The following ACTR3C variants were observed in gnomAD, a reference collection of about 807,000 sequenced individuals.
ACTR3C encodes actin related protein 3C, also known as actin-related protein 3C.
A neutral mutation model predicts 26.3 loss-of-function variants in ACTR3C; 18 were observed. The ratio of observed to expected loss-of-function variants is 0.68; its 90% CI spans 0.47 to 1.01. ACTR3C has a LOEUF of 1.01. Ranked by LOEUF, ACTR3C falls within the 50% of genes least tolerant of loss-of-function variation. The pLI, the probability that ACTR3C is intolerant of heterozygous loss-of-function variation, is 0.00. For missense variants in ACTR3C, 184 were observed against 250.7 expected (o/e 0.73, Z 1.80); for synonymous variants, 55 against 94.5 (o/e 0.58, Z 2.42).
At chr7:149,926,106 T>G in the ACTR3C span, among the ~76,000 whole-genome samples, 1 of 151,728 alleles carries the variant, frequency 6.6e-6, no homozygotes, top group Non-Finnish European at 1.5e-5. Flanking sequence ...CACCATGTAA[T>G]CTGGGAATGA....
chr7:150,127,077 T>C, the ACTR3C span, among the ~76,000 whole-genome samples: 26,873 of 151,134 alleles, frequency 0.18, 2,171 homozygotes, highest in Non-Finnish European at 0.22. Flanking sequence ...CTCAGAGGAC[T>C]TGTGAGACCA....
At chr7:150,143,589 C>A in the ACTR3C span, among the ~76,000 whole-genome samples, 1 of 152,334 alleles carries the variant, frequency 6.6e-6, no homozygotes, top group East Asian at 1.9e-4. Context: ...AGTCCTCTTC[C>A]CTGATCCCCG....
the ACTR3C span, among the ~76,000 whole-genome samples, chr7:150,162,134 T>C: frequency 1.3e-5 from 2 of 152,208 alleles, no homozygotes; most frequent in African/African-American, 4.8e-5. Flanking sequence ...TTTTGCCACA[T>C]ATCAATTTTG....
chr7:149,945,865 GAC>G, the ACTR3C span, among the ~76,000 whole-genome samples: 1 of 152,168 alleles, frequency 6.6e-6, no homozygotes, highest in East Asian at 1.9e-4. Flanking sequence ...GGGGTTAGAT[GAC>G]AGTCTACAGA....
At chr7:150,181,031 G>A in the ACTR3C span, among the ~76,000 whole-genome samples, 1 of 151,296 alleles carries the variant, frequency 6.6e-6, no homozygotes. Context: ...TAATATATAA[G>A]CAGATTGAAA....
At chr7:150,122,294 A>C in the ACTR3C span, among the ~76,000 whole-genome samples, 1 of 149,342 alleles carries the variant, frequency 6.7e-6, no homozygotes, top group Non-Finnish European at 1.5e-5. Flanking sequence ...AAAACAAAAA[A>C]CAACTATCAT....
the ACTR3C span, among the ~76,000 whole-genome samples, chr7:149,896,261 T>C: frequency 6.6e-6 from 1 of 152,210 alleles, no homozygotes; most frequent in Non-Finnish European, 1.5e-5. Flanking sequence ...TTAATTTTTC[T>C]GCACAGCTAC....
At chr7:150,104,913 T>C in the ACTR3C span, among the ~76,000 whole-genome samples, 1 of 151,914 alleles carries the variant, frequency 6.6e-6, no homozygotes, top group Non-Finnish European at 1.5e-5. Flanking sequence ...TCTGGTGCTT[T>C]TATTCCCTCT....
chr7:149,900,862 A>AT, the ACTR3C span, among the ~76,000 whole-genome samples: 1 of 152,080 alleles, frequency 6.6e-6, no homozygotes. Context: ...GTGAAAACCC[A>AT]TCTCTACTAA....
chr7:150,165,374 A>C, the ACTR3C span, among the ~76,000 whole-genome samples: 1 of 151,896 alleles, frequency 6.6e-6, no homozygotes, highest in Non-Finnish European at 1.5e-5. Context: ...GTATTGGAGA[A>C]GAAGAGTCCA....
At chr7:150,179,177 A>C in the ACTR3C span, among the ~76,000 whole-genome samples, 7 of 144,300 alleles carry the variant, frequency 4.9e-5, no homozygotes, top group East Asian at 3.9e-4. Context: ...TATTATGAAA[A>C]TATTCTCCAT....
At chr7:150,024,138 G>C in the ACTR3C span, among the ~76,000 whole-genome samples, 1 of 150,924 alleles carries the variant, frequency 6.6e-6, no homozygotes, top group African/African-American at 2.4e-5. Context: ...GGCTGTCAGA[G>C]AGGCCGCCCA....
chr7:150,136,185 C>T, the ACTR3C span, among the ~76,000 whole-genome samples: 1 of 152,196 alleles, frequency 6.6e-6, no homozygotes, highest in Non-Finnish European at 1.5e-5. Flanking sequence ...ACTGGCATCC[C>T]AGGAACACAT....
chr7:150,107,269 C>A, the ACTR3C span, among the ~76,000 whole-genome samples: 3 of 150,556 alleles, frequency 2.0e-5, no homozygotes, highest in Non-Finnish European at 4.4e-5. Context: ...GCTGGGCTCT[C>A]AGCAGATCAT....
the ACTR3C span, among the ~76,000 whole-genome samples, chr7:150,023,278 T>C: frequency 1.1e-3 from 155 of 141,704 alleles, 1 homozygote; most frequent in African/African-American, 4.0e-3. Context: ...TCTATATGTA[T>C]ATATGGAGAT....
At chr7:150,295,368 T>C (rs2129613463) in intron 1 of ACTR3C, 21 bp from the exon 2 acceptor site, 1 of 1,608,406 alleles carries the variant, frequency 6.2e-7, no homozygotes, top group Non-Finnish European at 8.5e-7. Context: ...ACATTCACTA[T>C]ATTTAGTGTT....
the ACTR3C span, among the ~76,000 whole-genome samples, chr7:150,083,105 C>A: frequency 1.3e-5 from 2 of 150,866 alleles, no homozygotes; most frequent in Non-Finnish European, 3.0e-5. Context: ...ACCACCATGC[C>A]CAACTAAGTT....
intron 1 of ACTR3C, among the ~76,000 whole-genome samples, chr7:150,309,107 C>T (rs756559819): frequency 2.6e-4 from 40 of 152,116 alleles, no homozygotes; most frequent in Non-Finnish European, 5.6e-4. Context: ...GGCAGTTCCC[C>T]GAGATGATCC....
At chr7:150,065,895 AGAAGG>A in the ACTR3C span, among the ~76,000 whole-genome samples, 1 of 150,994 alleles carries the variant, frequency 6.6e-6, no homozygotes, top group Non-Finnish European at 1.5e-5. Flanking sequence ...AGTCAGTGAT[AGAAGG>A]GAAGAAGATG....
Sources: gnomAD v4.1 joint callset for allele counts (sites outside exome capture counted in the v4.1 genomes callset) on GRCh38, gnomAD v4.1.1 for gene constraint, MANE v1.5 for transcripts, NCBI Gene and HGNC (gene_info 2026-07-23, HGNC 2026-07-21) for gene names.